Variants in ANXA8L1 observed in about 807,000 individuals in gnomAD.
ANXA8L1 encodes annexin A8 like 1, also known as annexin A8-like protein 1.
ANXA8L1 carries 10 observed loss-of-function variants against 22.5 expected under a neutral mutation model. That is an observed-to-expected ratio of 0.44 (90% CI 0.27 to 0.75). The LOEUF (loss-of-function observed/expected upper bound fraction) is 0.75, where lower values mean the gene tolerates loss of function less well. Among genes scored for constraint, ANXA8L1 ranks in the 30% least tolerant of loss-of-function variants. The pLI, the probability that ANXA8L1 is intolerant of heterozygous loss-of-function variation, is 0.15. For missense variants in ANXA8L1, 88 were observed against 219.6 expected, an observed-to-expected ratio of 0.40 and a Z score of 3.79; for synonymous variants, 36 against 86.0, an observed-to-expected ratio of 0.42 and a Z score of 3.22.
Position 46,390,200 on chromosome 10 carries a change from A to C in ANXA8L1, c.925-671A>C, listed in dbSNP as rs1319579847. Among the ~76,000 whole-genome samples, 4 of 150,904 alleles carry C rather than the reference A, an allele frequency of 2.7e-5. No individual in the cohort carries two copies. The East Asian group carries it at 7.7e-4, about 29-fold the overall frequency. ...TCCCATCAGGACCTACCAGTATCTA[A>C]GAAACAGGGCTCCTCAGTCATCGGA... On this transcript the variant is annotated intron_variant, in intron 11 of 11. Transcript: ENST00000619162.
chr10:46,389,589 A>G (rs1294912512), intron 11 of ANXA8L1, among the ~76,000 whole-genome samples: 1 of 151,298 alleles, frequency 6.6e-6, no homozygotes, highest in Non-Finnish European at 1.5e-5. Context: ...TTTCAACACT[A>G]ATATGAGTTA....
At chr10:46,384,921 G>C (rs1256744069) in intron 7 of ANXA8L1, 88 bp downstream of exon 7, 6 of 1,595,620 alleles carry the variant, frequency 3.8e-6, no homozygotes, top group Non-Finnish European at 2.6e-6. Flanking sequence ...CTCTGACACT[G>C]GGCTGGGACC....
At chr10:46,384,580 T>G in intron 6 of ANXA8L1, among the ~76,000 whole-genome samples, 194 bp from the exon 7 acceptor site, 1 of 120,916 alleles carries the variant, frequency 8.3e-6, no homozygotes. Flanking sequence ...CCGCCAAGCC[T>G]TATGAGGCAG....
At chr10:46,385,507 C>A (rs1252045466) in intron 8 of ANXA8L1, 34 bp downstream of exon 8, 16 of 1,301,072 alleles carry the variant, frequency 1.2e-5, no homozygotes, top group Non-Finnish European at 1.7e-5. Context: ...GCCGGGGCCA[C>A]AGGGGTGTCC....
At chr10:46,389,619 TAA>T (rs1475300582) in intron 11 of ANXA8L1, among the ~76,000 whole-genome samples, 17 of 151,168 alleles carry the variant, frequency 1.1e-4, no homozygotes, top group Non-Finnish European at 8.8e-5. Context: ...GCATTGAAAT[TAA>T]GAGGCAAATG....
At chr10:46,385,580 G>A in intron 8 of ANXA8L1, 107 bp downstream of exon 8, 1 of 480,738 alleles carries the variant, frequency 2.1e-6, no homozygotes, top group East Asian at 2.7e-5. Context: ...AGAGAGCCAG[G>A]GAGCCCAGGA....
At chr10:46,378,621 G>A (rs1168705709) in intron 1 of ANXA8L1, among the ~76,000 whole-genome samples, 4 of 79,354 alleles carry the variant, frequency 5.0e-5, no homozygotes, top group South Asian at 4.6e-4. Flanking sequence ...AAGGGATATC[G>A]TGTGTGTGGA....
chr10:46,377,771 A>T (rs1215156979), intron 1 of ANXA8L1, among the ~76,000 whole-genome samples: 4 of 117,704 alleles, frequency 3.4e-5, no homozygotes, highest in Admixed American at 2.6e-4. Context: ...ATAGAGACAA[A>T]CCCATCTCCC....
chr10:46,379,201 G>T (rs1839967522), intron 1 of ANXA8L1, among the ~76,000 whole-genome samples: 2 of 152,060 alleles, frequency 1.3e-5, no homozygotes, highest in African/African-American at 4.8e-5. Context: ...ATTCTGCAGG[G>T]CACAAGTTTA....
In ANXA8L1 at chr10:46,390,954, A is replaced by G; in HGVS notation, c.*24A>G. On this transcript the variant is annotated 3_prime_UTR_variant, in exon 12 of 12. Transcript: ENST00000619162. The stretch of plus-strand genomic sequence containing the variant: ...GAGGCACAGAAGAACAAGAGCAAAG[A>G]CCATGAAGCCAGAGTCTCCAGGACT... 7.5e-7 allele frequency: 1 copy of G among 1,329,002 alleles called. No individual in the cohort carries two copies. Among genetic ancestry groups the G allele is most frequent in the Non-Finnish European group, 1.0e-6 (1 of 967,412 alleles). The allele number at this position is 1,329,002 out of a possible 1,614,324, so 82.3% of individuals were successfully genotyped here. A position where few individuals can be genotyped will look rare whatever the true frequency, so the allele number is the denominator to read the frequency against.
In ANXA8L1 at chr10:46,378,123, A is replaced by ATGCTGCACCTGAGACC. The variant is rs1588894680; in HGVS notation, c.22-1760_22-1745dup. On this transcript the variant is annotated intron_variant, in intron 1 of 11. Transcript: ENST00000619162. ...GAACCAGCCAGGGAGCTGCTTACAAATGCTGCACCTGAGACCTACCGCACC... is the reference window on the plus strand; with the variant it reads ...GAACCAGCCAGGGAGCTGCTTACAAATGCTGCACCTGAGACCTGCTGCACCTGAGACCTACCGCACC... Among the ~76,000 whole-genome samples, 3 of 105,648 alleles carry ATGCTGCACCTGAGACC rather than the reference A, an allele frequency of 2.8e-5. No homozygotes were observed. The East Asian group carries it at 6.1e-4, about 21-fold the overall frequency. 69.3% of individuals were successfully genotyped at this position (105,648 alleles called of 152,430 possible). A position where few individuals can be genotyped will look rare whatever the true frequency, so the allele number is the denominator to read the frequency against.
chr10:46,382,516 G>T (rs1839989056), intron 3 of ANXA8L1, 63 bp from the exon 4 acceptor site: 1 of 1,021,508 alleles, frequency 9.8e-7, no homozygotes, highest in South Asian at 1.3e-5. Context: ...CCACCACTCC[G>T]CTGCCTGCAC....
At chr10:46,375,940 G>A in intron 1 of ANXA8L1, 68 bp downstream of exon 1, 1 of 1,277,588 alleles carries the variant, frequency 7.8e-7, no homozygotes, top group Non-Finnish European at 1.1e-6. Context: ...AGGGAGTCCT[G>A]AGAAATGTAA....
rs1484267945 is a variant in ANXA8L1 at position 46,385,500 on chromosome 10, G to A, written c.646+27G>A. On this transcript the variant is annotated intron_variant, in intron 8 of 11. Coordinates refer to ENST00000619162, the MANE Select transcript of ANXA8L1 (RefSeq NM_001098845.3). ...TACCAGGGAGGGAGGGGCTGGGGCC[G>A]GGGCCACAGGGGTGTCCTGGCCATG... 50 of 1,298,804 alleles carry A rather than the reference G, an allele frequency of 3.8e-5. 15 individuals carry two copies. Among genetic ancestry groups the A allele is most frequent in the Middle Eastern group, 5.3e-4 (2 of 3,754 alleles). The allele number at this position is 1,298,804 out of a possible 1,614,324, so 80.5% of individuals were successfully genotyped here.
At chr10:46,378,903 T>A (rs1245625988) in intron 1 of ANXA8L1, among the ~76,000 whole-genome samples, 1 of 142,888 alleles carries the variant, frequency 7.0e-6, no homozygotes, top group African/African-American at 2.9e-5. Context: ...GATGGATGGA[T>A]GGATGGATGG....
intron 4 of ANXA8L1, 144 bp from the exon 5 acceptor site, chr10:46,383,312 G>A (rs1839998812): frequency 6.5e-7 from 1 of 1,537,610 alleles, no homozygotes; most frequent in Admixed American, 1.8e-5. Context: ...ACAAGCATGT[G>A]ATTTTCTCAT....
At chr10:46,378,781 T>C (rs1439487292) in intron 1 of ANXA8L1, among the ~76,000 whole-genome samples, 3 of 90,360 alleles carry the variant, frequency 3.3e-5, no homozygotes, top group African/African-American at 1.1e-4. Context: ...AGCAAAGAGT[T>C]CAGAAAGATG....
At chr10:46,378,817 T>C (rs1207960118) in intron 1 of ANXA8L1, among the ~76,000 whole-genome samples, 2 of 104,390 alleles carry the variant, frequency 1.9e-5, no homozygotes, top group African/African-American at 8.0e-5. Flanking sequence ...AAAGGAAAGA[T>C]ACTTACAGAT....
At chr10:46,389,426 G>A (rs1454446865) in intron 11 of ANXA8L1, among the ~76,000 whole-genome samples, 9 of 142,834 alleles carry the variant, frequency 6.3e-5, no homozygotes, top group East Asian at 2.0e-4. Context: ...GGTAACTTAC[G>A]GCATCAGAGA....
Sources: allele counts gnomAD v4.1 joint callset (sites outside exome capture counted in the v4.1 genomes callset), GRCh38; gene constraint gnomAD v4.1.1; transcripts MANE v1.5; gene names NCBI Gene and HGNC (gene_info 2026-07-23, HGNC 2026-07-21).